Variants in MRNIP observed in about 807,000 individuals in gnomAD.
MRNIP encodes the protein MRN complex-interacting protein.
In MRNIP, 30 loss-of-function variants were observed where a neutral mutation model predicts 29.8. That is an observed-to-expected ratio of 1.01 (90% CI 0.75 to 1.36). The LOEUF is 1.36. MRNIP is among the 40% of genes most tolerant of loss of function. The pLI is 0.00. For missense variants in MRNIP, 459 were observed against 423.5 expected, an observed-to-expected ratio of 1.08 and a Z score of -0.74; for synonymous variants, 201 against 164.1, an observed-to-expected ratio of 1.23 and a Z score of -1.72.
chr5:179,852,250 C>T (rs1220975460), intron 2 of MRNIP, among the ~76,000 whole-genome samples: 1 of 151,004 alleles, frequency 6.6e-6, no homozygotes, highest in Non-Finnish European at 1.5e-5. Flanking sequence ...TGCGCCACTG[C>T]ACTCCAGCCT....
At chr5:179,838,942 G>A (rs576871873) in intron 6 of MRNIP, 1 of 151,916 alleles carries the variant, frequency 6.6e-6, no homozygotes, top group South Asian at 2.1e-4. Context: ...CTAGGTGACA[G>A]AGTGACACCC....
chr5:179,853,049 G>A, intron 2 of MRNIP: 1 of 438,474 alleles, frequency 2.3e-6, no homozygotes, highest in South Asian at 2.0e-5. Context: ...GCAGATGCAT[G>A]TGTGCATTAG....
At chr5:179,848,141 C>A (rs564894351) in intron 2 of MRNIP, 75 bp from the exon 3 acceptor site, 166 of 1,119,586 alleles carry the variant, frequency 1.5e-4, no homozygotes, top group Non-Finnish European at 4.9e-5. Flanking sequence ...TTGAGATGCA[C>A]CTCAGGGAGG....
At position 179,837,699 on chromosome 5, in the gene MRNIP, CAT is replaced by C. The variant is rs748732103; in HGVS notation, c.722_723del (p.His241ArgfsTer4). On this transcript the variant is annotated frameshift_variant, in exon 7 of 7. Coordinates refer to ENST00000292586, the MANE Select transcript of MRNIP (RefSeq NM_016175.4). LOFTEE classifies it low-confidence loss of function (END_TRUNC). ...AGAGACCTTGGCTGCTCACTGTCCA[CAT>C]GTGAACTTTTTCTAGGTGGCAGGAC... ...QFVLPPRKSSHVDSEQPRSLQ... is the reference protein window; with the variant it reads ...QFVLPPRKSSXVDSEQPRSLQ... 5.0e-5 allele frequency: 80 copies of C among 1,614,136 alleles called. No homozygotes were observed. Among genetic ancestry groups the C allele is most frequent in the Non-Finnish European group, 6.5e-5 (77 of 1,180,056 alleles).
chr5:179,854,265 C>T (rs1178712255), intron 1 of MRNIP, among the ~76,000 whole-genome samples: 1 of 152,112 alleles, frequency 6.6e-6, no homozygotes, highest in African/African-American at 2.4e-5. Context: ...GGTGATCCAC[C>T]CGCCTCGGCC....
chr5:179,858,802 C>G lies in MRNIP; in HGVS notation c.-6G>C, dbSNP rs923617111. 23 of 1,539,612 alleles carry G rather than the reference C, an allele frequency of 1.5e-5. No homozygotes were observed. In the East Asian group the frequency reaches 5.7e-4, roughly 38 times the overall value. ...GAACGCTGAAGCGACGCCATCCCTGCTTGTGCAGTCGCCAGGCAGCCAAGC... is the reference window on the plus strand; with the variant it reads ...GAACGCTGAAGCGACGCCATCCCTGGTTGTGCAGTCGCCAGGCAGCCAAGC... On this transcript the variant is annotated 5_prime_UTR_variant, in exon 1 of 7. Coordinates refer to ENST00000292586, the MANE Select transcript of MRNIP (RefSeq NM_016175.4).
intron 6 of MRNIP, chr5:179,838,114 A>G: frequency 5.1e-6 from 3 of 586,148 alleles, no homozygotes; most frequent in East Asian, 5.6e-5. Context: ...CTTTCCAAAA[A>G]CAAGACATTC....
In MRNIP at chr5:179,846,432, C is replaced by T. The variant is rs186768461; in HGVS notation, c.215+1546G>A. Among the ~76,000 whole-genome samples, 73 of 152,070 alleles carry T rather than the reference C, an allele frequency of 4.8e-4. 1 individual carries two copies. In the East Asian group the frequency reaches 0.011, roughly 23 times the overall value. On this transcript the variant is annotated intron_variant, in intron 3 of 6. Transcript: ENST00000292586. ...CCTAGTAGCTGGGATTACAGGCGCC[C>T]GCCACCACGCCCAGCTGATTTTGTA...
At chr5:179,842,193 G>A (rs72813734) in intron 4 of MRNIP, 129 bp from the exon 5 acceptor site, 42,983 of 908,666 alleles carry the variant, frequency 0.047, 3,075 homozygotes, top group African/African-American at 0.29. Flanking sequence ...GAAAGGCACC[G>A]GCTGGAAGGT....
intron 3 of MRNIP, chr5:179,847,359 G>A (rs1191680151): frequency 6.6e-6 from 1 of 151,734 alleles, no homozygotes; most frequent in Non-Finnish European, 1.5e-5. Context: ...TAATATACAC[G>A]GGGTTTCACC....
intron 2 of MRNIP, among the ~76,000 whole-genome samples, chr5:179,849,847 C>T (rs1216731999): frequency 1.4e-5 from 2 of 139,244 alleles, no homozygotes; most frequent in Non-Finnish European, 3.1e-5. Context: ...GCAGATGGTA[C>T]GAGACGGAAT....
At chr5:179,841,373 C>A in intron 5 of MRNIP, 1 of 186,528 alleles carries the variant, frequency 5.4e-6, no homozygotes, top group Non-Finnish European at 1.1e-5. Flanking sequence ...AAATGATCCT[C>A]CTGCCTCAGC....
In MRNIP at chr5:179,855,715, G is replaced by A. The variant is rs1759547561; in HGVS notation, c.67-2278C>T. Among the ~76,000 whole-genome samples, 8 of 151,998 alleles carry A rather than the reference G, an allele frequency of 5.3e-5. No individual in the cohort carries two copies. The South Asian group carries it at 1.7e-3, about 32-fold the overall frequency. Reference sequence around the variant, plus strand: ...TAGGTTGATCCATTAACATTAATACGATTAATATGATCCTAATACAAAATC... The same window carrying A: ...TAGGTTGATCCATTAACATTAATACAATTAATATGATCCTAATACAAAATC... On this transcript the variant is annotated intron_variant, in intron 1 of 6. Transcript: ENST00000292586.
chr5:179,851,566 T>C (rs776841528), intron 2 of MRNIP: 4 of 413,350 alleles, frequency 9.7e-6, no homozygotes, highest in Non-Finnish European at 2.0e-5. Context: ...GGACCGGGGA[T>C]GAAGTTCTGC....
chr5:179,837,907 C>G lies in MRNIP; in HGVS notation c.538-22G>C, dbSNP rs773908994. ...GTCCCTGAAAGAGAAGATGGCCATGCCCTCCATGTGTAAGAACAATGCCAG... is the reference window on the plus strand; with the variant it reads ...GTCCCTGAAAGAGAAGATGGCCATGGCCTCCATGTGTAAGAACAATGCCAG... On this transcript the variant is annotated intron_variant, in intron 6 of 6. Transcript: ENST00000292586. The G allele has an allele frequency of 4.9e-5, 78 of 1,593,768 alleles. No homozygotes were observed. In the Admixed American group the frequency reaches 1.2e-3, roughly 25 times the overall value.
At chr5:179,843,790 G>A (rs1368320936) in intron 4 of MRNIP, among the ~76,000 whole-genome samples, 1 of 152,056 alleles carries the variant, frequency 6.6e-6, no homozygotes, top group Non-Finnish European at 1.5e-5. Context: ...TCTGGAACAA[G>A]GAAAGATGGA....
At chr5:179,853,684 A>T (rs1759465805) in intron 1 of MRNIP, among the ~76,000 whole-genome samples, 1 of 152,130 alleles carries the variant, frequency 6.6e-6, no homozygotes, top group South Asian at 2.1e-4. Context: ...AGACAGGAGA[A>T]TCGCTTAAAC....
chr5:179,837,838 G>T lies in MRNIP; in HGVS notation c.585C>A (p.Cys195Ter). Residue 195 changes from cysteine to a stop codon, truncating the protein, a stop_gained, in exon 7 of 7, where the codon TGC (cysteine) becomes TGA (stop). Coordinates refer to ENST00000292586, the MANE Select transcript of MRNIP (RefSeq NM_016175.4). LOFTEE classifies it low-confidence loss of function (END_TRUNC). Reference protein sequence around the residue: ...TWKVKQGSSPCLQENSADCSA... With the variant: ...TWKVKQGSSP ...TGCAGTCTGCAGAGTTCTCCTGGAG[G>T]CAGGGGCTGCTGCCTTGTTTCACCT... 1 of 1,612,006 alleles carries T rather than the reference G, an allele frequency of 6.2e-7. No homozygotes were observed. The highest frequency in any genetic ancestry group is 8.5e-7 in the Non-Finnish European group (1 of 1,179,994).
chr5:179,857,442 AGAGT>A lies in MRNIP; in HGVS notation c.66+1285_66+1288del, dbSNP rs527403143. Among the ~76,000 whole-genome samples the A allele has an allele frequency of 1.1e-4, 16 of 152,058 alleles. No individual in the cohort carries two copies. In the South Asian group the frequency reaches 3.1e-3, roughly 30 times the overall value. ...CGCTACTGCACTCCAGCCTGGCGAC[AGAGT>A]GAGACGTGAGACTCTGTCTCAAAAA... On this transcript the variant is annotated intron_variant, in intron 1 of 6. Coordinates refer to ENST00000292586, the MANE Select transcript of MRNIP (RefSeq NM_016175.4).
Sources: allele counts gnomAD v4.1 joint callset (sites outside exome capture counted in the v4.1 genomes callset), GRCh38; gene constraint gnomAD v4.1.1; transcripts MANE v1.5; gene names NCBI Gene and HGNC (gene_info 2026-07-23, HGNC 2026-07-21).